The following KIZ variants were observed in gnomAD, a reference collection of about 807,000 sequenced individuals.
KIZ encodes centrosomal protein kizuna.
In KIZ, 68 loss-of-function variants were observed where a neutral mutation model predicts 79.6. The observed-to-expected ratio is 0.85, with a 90% CI of 0.70 to 1.05. The LOEUF (loss-of-function observed/expected upper bound fraction) is 1.05. Ranked by LOEUF, KIZ falls within the 50% of genes least tolerant of loss-of-function variation. The probability of loss-of-function intolerance (pLI) is 0.00; values close to 1 mark genes in which losing one functional copy is unlikely to be tolerated. For missense variants in KIZ, 797 were observed against 800.4 expected (o/e 1.00, Z 0.05); for synonymous variants, 280 against 281.8 (o/e 0.99, Z 0.06).
At chr20:21,198,239 T>G (rs549861870) in intron 6 of KIZ, 1 of 152,334 alleles carries the variant, frequency 6.6e-6, no homozygotes, top group African/African-American at 2.4e-5. Flanking sequence ...ATTTTTTGTA[T>G]TTTTAGTAGA....
intron 7 of KIZ, among the ~76,000 whole-genome samples, chr20:21,213,343 T>C (rs148410085): frequency 6.6e-6 from 1 of 152,376 alleles, no homozygotes; most frequent in East Asian, 1.9e-4. Flanking sequence ...CCTTGTTTCA[T>C]GTTAATCACA....
chr20:21,222,616 C>T (rs1227445604), intron 9 of KIZ, among the ~76,000 whole-genome samples: 2 of 152,238 alleles, frequency 1.3e-5, no homozygotes, highest in Non-Finnish European at 2.9e-5. Context: ...CATTCTCTCA[C>T]AGTTCTGAGA....
intron 6 of KIZ, chr20:21,198,083 G>C (rs1459182598): frequency 6.6e-6 from 1 of 152,104 alleles, no homozygotes; most frequent in African/African-American, 2.4e-5. Context: ...TTTATTTTGA[G>C]ACAGAGTCTT....
chr20:21,199,350 G>A (rs1429030748), intron 6 of KIZ, among the ~76,000 whole-genome samples: 1 of 152,120 alleles, frequency 6.6e-6, no homozygotes, highest in Non-Finnish European at 1.5e-5. Context: ...ATTAATATCT[G>A]GAGTCTTCAA....
At chr20:21,209,243 C>T (rs2035963460) in intron 7 of KIZ, among the ~76,000 whole-genome samples, 1 of 152,106 alleles carries the variant, frequency 6.6e-6, no homozygotes, top group Non-Finnish European at 1.5e-5. Context: ...CCCACATAAC[C>T]TATTAGGCAA....
At chr20:21,191,352 G>A (rs936313944) in intron 6 of KIZ, among the ~76,000 whole-genome samples, 4 of 152,226 alleles carry the variant, frequency 2.6e-5, no homozygotes, top group African/African-American at 9.6e-5. Context: ...CAGAAGGAAA[G>A]CAGACACAAC....
In KIZ at chr20:21,188,687, T is replaced by TATTC. The variant is rs1427169576; in HGVS notation, c.1353-16801_1353-16800insCATT. 7.4e-5 allele frequency among the ~76,000 whole-genome samples: 11 copies of TATTC among 148,362 alleles called. 1 individual carries two copies. Among genetic ancestry groups the TATTC allele is most frequent in the African/African-American group, 2.5e-4 (10 of 40,208 alleles). Reference sequence around the variant, plus strand: ...TGTTTTGCATTTTATTTTATTTATTTATTTATTTATTTATTTATTTATTTA... The same window carrying TATTC: ...TGTTTTGCATTTTATTTTATTTATTTATTCATTTATTTATTTATTTATTTATTTA... On this transcript the variant is annotated intron_variant, in intron 6 of 12. Coordinates refer to ENST00000619189, the MANE Select transcript of KIZ (RefSeq NM_018474.6).
intron 7 of KIZ, 50 bp from the exon 8 acceptor site, chr20:21,214,485 G>A (rs918123105): frequency 6.5e-6 from 9 of 1,383,098 alleles, no homozygotes; most frequent in Non-Finnish European, 8.0e-6. Flanking sequence ...CAAGAGGAAT[G>A]TGGCTACAGT....
At chr20:21,152,756 G>A (rs550269360) in intron 4 of KIZ, among the ~76,000 whole-genome samples, 53 of 152,278 alleles carry the variant, frequency 3.5e-4, no homozygotes, top group Admixed American at 9.8e-4. Context: ...GTTACCTGCT[G>A]TCACTATTTT....
At position 21,162,426 on chromosome 20, in the gene KIZ, T is replaced by C. The variant is rs116937124; in HGVS notation, c.961T>C (p.Ser321Pro). The C allele has an allele frequency of 1.3e-4, 211 of 1,613,214 alleles. 1 individual carries two copies. The East Asian group carries it at 4.6e-3, about 35-fold the overall frequency. The stretch of plus-strand genomic sequence containing the variant: ...GGAAAAAAGAGCCAGCCCGCCAGTC[T>C]CTCCGATACCAGTTTCAGAATACTG... ...VEEKRASPPV[S>P]PIPVSEYCES... The change falls in exon 5 of 13, where the codon TCT (serine) becomes CCT (proline). Residue 321 changes from serine (S) to proline (P), a missense_variant. Physicochemically the swap from Ser to Pro is moderately conservative, Grantham distance 74. Coordinates refer to ENST00000619189, the MANE Select transcript of KIZ (RefSeq NM_018474.6).
chr20:21,185,062 T>TTTTGTGTGTGTGTGTGTGTGTGTGTG (rs2034814603), intron 6 of KIZ, among the ~76,000 whole-genome samples: 1 of 151,402 alleles, frequency 6.6e-6, no homozygotes, highest in African/African-American at 2.4e-5. Flanking sequence ...AAAAAAATAA[T>TTTTGTGTGTGTGTGTGTGTGTGTGTG]TGTGTGTGTG....
At chr20:21,221,286 A>G (rs906265150) in intron 9 of KIZ, among the ~76,000 whole-genome samples, 2 of 152,222 alleles carry the variant, frequency 1.3e-5, no homozygotes, top group Admixed American at 6.5e-5. Context: ...TCATAAAAAT[A>G]CAGCACCTAG....
At chr20:21,140,255 G>A (rs535211286) in intron 3 of KIZ, among the ~76,000 whole-genome samples, 11 of 152,272 alleles carry the variant, frequency 7.2e-5, no homozygotes, top group Admixed American at 3.3e-4. Context: ...CCTCACATAA[G>A]TCTTGGGAGA....
intron 6 of KIZ, among the ~76,000 whole-genome samples, chr20:21,188,800 C>T (rs562649525): frequency 4.6e-5 from 7 of 151,796 alleles, no homozygotes; most frequent in African/African-American, 1.4e-4. Flanking sequence ...CCTGGGTTCA[C>T]GCCATTCTCC....
At chr20:21,132,206 T>C (rs777416878) in intron 2 of KIZ, 47 bp downstream of exon 2, 4 of 886,248 alleles carry the variant, frequency 4.5e-6, no homozygotes, top group Non-Finnish European at 7.0e-6. Flanking sequence ...TTCCATATAT[T>C]AATCAAAAAT....
At position 21,195,310 on chromosome 20, in the gene KIZ, GTGCAGA is replaced by G. The variant is rs1385881111; in HGVS notation, c.1353-10175_1353-10170del. 3 of 152,390 alleles carry G rather than the reference GTGCAGA, an allele frequency of 2.0e-5. No homozygotes were observed. The East Asian group carries it at 5.8e-4, about 29-fold the overall frequency. The allele number at this position is 152,390 out of a possible 1,614,324, so 9.4% of individuals were successfully genotyped here. ...GTGGTAGTGAGGGGATGTCGGAGGAGTGCAGATGCAGGTAATAAGTAGGTGCATTCT... is the reference window on the plus strand; with the variant it reads ...GTGGTAGTGAGGGGATGTCGGAGGAGTGCAGGTAATAAGTAGGTGCATTCT... On this transcript the variant is annotated intron_variant, in intron 6 of 12. Transcript: ENST00000619189.
At chr20:21,192,279 A>ATTTTTT (rs1260846529) in intron 6 of KIZ, among the ~76,000 whole-genome samples, 1 of 91,114 alleles carries the variant, frequency 1.1e-5, no homozygotes, top group Non-Finnish European at 2.2e-5. Context: ...TCATTTCTGG[A>ATTTTTT]TTTTTTTTTT....
intron 4 of KIZ, among the ~76,000 whole-genome samples, chr20:21,159,752 C>G (rs921479066): frequency 2.0e-5 from 3 of 152,138 alleles, no homozygotes; most frequent in Non-Finnish European, 4.4e-5. Flanking sequence ...TACATTTTAT[C>G]TAGTCATCTA....
intron 11 of KIZ, among the ~76,000 whole-genome samples, chr20:21,238,274 G>T (rs1467963337): frequency 2.0e-5 from 3 of 151,166 alleles, no homozygotes; most frequent in African/African-American, 7.3e-5. Context: ...CTTCTGTATG[G>T]CATCATGTAC....
Sources: gnomAD v4.1 joint callset for allele counts (sites outside exome capture counted in the v4.1 genomes callset) on GRCh38, gnomAD v4.1.1 for gene constraint, MANE v1.5 for transcripts, NCBI Gene and HGNC (gene_info 2026-07-23, HGNC 2026-07-21) for gene names.